ZC3HC1: variants seen among roughly 807,000 people sequenced by gnomAD.
The protein encoded by ZC3HC1 is zinc finger C3HC-type containing 1, also known as zinc finger C3HC-type protein 1.
In ZC3HC1, 38 loss-of-function variants were observed where a neutral mutation model predicts 61.9. The ratio of observed to expected loss-of-function variants is 0.61; its 90% CI spans 0.47 to 0.81. The LOEUF is 0.81. ZC3HC1 is among the 30% of genes least tolerant of loss of function. The pLI, the probability that ZC3HC1 is intolerant of heterozygous loss-of-function variation, is 0.00. For missense variants in ZC3HC1, 554 were observed against 622.7 expected (o/e 0.89, Z 1.17); for synonymous variants, 213 against 229.9 (o/e 0.93, Z 0.67).
intron 5 of ZC3HC1, among the ~76,000 whole-genome samples, chr7:130,028,160 T>C (rs1474718814): frequency 3.7e-5 from 2 of 54,360 alleles, no homozygotes; most frequent in Non-Finnish European, 6.1e-5. Context: ...CAAGACTCTG[T>C]CTCAAAAAAA....
chr7:130,049,174 A>C, intron 1 of ZC3HC1, 30 bp from the exon 2 acceptor site: 1 of 1,533,956 alleles, frequency 6.5e-7, no homozygotes, highest in Non-Finnish European at 8.9e-7. Flanking sequence ...CTGTTGGTAA[A>C]CCTTTCACAG....
At chr7:130,038,786 G>A (rs538806161) in intron 4 of ZC3HC1, among the ~76,000 whole-genome samples, 1 of 151,036 alleles carries the variant, frequency 6.6e-6, no homozygotes, top group African/African-American at 2.4e-5. Context: ...CTTGAACCTC[G>A]GAGGTGGAGG....
chr7:130,042,262 C>T (rs1433043391), intron 2 of ZC3HC1, among the ~76,000 whole-genome samples: 2 of 149,126 alleles, frequency 1.3e-5, no homozygotes, highest in Non-Finnish European at 3.0e-5. Flanking sequence ...ACGATCACAC[C>T]ACTGCCCTCT....
At chr7:130,051,151 A>C (rs958078105) in intron 1 of ZC3HC1, 70 bp downstream of exon 1, 1 of 1,528,660 alleles carries the variant, frequency 6.5e-7, no homozygotes, top group South Asian at 1.3e-5. Context: ...ACCTCCCCCA[A>C]CCCGCCACCC....
rs771598293 is a variant in ZC3HC1, at chr7:130,023,497, C to G, written c.1233+14G>C. On this transcript the variant is annotated intron_variant, in intron 8 of 9. Coordinates refer to ENST00000358303, the MANE Select transcript of ZC3HC1 (RefSeq NM_016478.5). This position sits in a 1 kb window ranked among gnomAD's most constrained non-coding sequence, Gnocchi z 4.2. ...GTTTATGCTCAGCCACTGCTACATG[C>G]GAGGTGGACTCACCGAACTGCTGGA... 6.2e-7 allele frequency: 1 copy of G among 1,613,132 alleles called. No homozygotes were observed. Among genetic ancestry groups the G allele is most frequent in the Admixed American group, 1.7e-5 (1 of 59,978 alleles).
intron 4 of ZC3HC1, among the ~76,000 whole-genome samples, chr7:130,032,757 G>GAAGGAGGGAAGGGAAGGA (rs1794265441): frequency 3.4e-5 from 2 of 59,308 alleles, no homozygotes; most frequent in African/African-American, 7.1e-5. Flanking sequence ...GAGGGGAAGG[G>GAAGGAGGGAAGGGAAGGA]GGGAAGGGAA....
At chr7:130,030,129 T>A (rs1450004666) in intron 4 of ZC3HC1, among the ~76,000 whole-genome samples, 1 of 151,570 alleles carries the variant, frequency 6.6e-6, no homozygotes. Context: ...AAGGCCTTGC[T>A]AAGCTACTTC....
At chr7:130,019,081 T>C (rs749863504) in intron 9 of ZC3HC1, among the ~76,000 whole-genome samples, 1 of 142,504 alleles carries the variant, frequency 7.0e-6, no homozygotes, top group Non-Finnish European at 1.5e-5. Flanking sequence ...TGAGACGGAG[T>C]CTCACTCTGT....
intron 4 of ZC3HC1, among the ~76,000 whole-genome samples, chr7:130,029,393 AAAAT>A (rs1794077897): frequency 6.6e-6 from 1 of 152,124 alleles, no homozygotes; most frequent in Non-Finnish European, 1.5e-5. Context: ...ATAATAAAAT[AAAAT>A]AAATAAAAAA....
At chr7:130,041,237 GA>G (rs1794658754) in intron 2 of ZC3HC1, 136 bp from the exon 3 acceptor site, 4 of 967,052 alleles carry the variant, frequency 4.1e-6, no homozygotes, top group Non-Finnish European at 5.8e-6. Flanking sequence ...TCCCAGGCTG[GA>G]GTGCAGTGGC....
At position 130,049,149 on chromosome 7, in the gene ZC3HC1, T is replaced by C. The variant is rs1025069615; in HGVS notation, c.147-5A>G. On this transcript the variant is annotated splice_polypyrimidine_tract_variant and splice_region_variant and intron_variant, in intron 1 of 9. Transcript: ENST00000358303. ...GATGTGGCAGACGTGTCCTTCCTAATATAAAGTGGCAAAACTGTTGGTAAA... is the reference window on the plus strand; with the variant it reads ...GATGTGGCAGACGTGTCCTTCCTAACATAAAGTGGCAAAACTGTTGGTAAA... The C allele has an allele frequency of 2.5e-6, 4 of 1,587,084 alleles. No homozygotes were observed. The highest frequency in any genetic ancestry group is 1.4e-5 in the African/African-American group (1 of 73,984).
intron 4 of ZC3HC1, among the ~76,000 whole-genome samples, chr7:130,037,362 T>A (rs1266538260): frequency 6.6e-6 from 1 of 152,168 alleles, no homozygotes; most frequent in Non-Finnish European, 1.5e-5. Context: ...GAGAATTGCT[T>A]GAACCCAGGA....
At chr7:130,050,915 G>A (rs1213269344) in intron 1 of ZC3HC1, among the ~76,000 whole-genome samples, 2 of 151,982 alleles carry the variant, frequency 1.3e-5, no homozygotes, top group African/African-American at 4.8e-5. Context: ...AGGGGTCCAC[G>A]GCACAAAAAA....
intron 4 of ZC3HC1, among the ~76,000 whole-genome samples, chr7:130,034,270 G>A (rs1794338073): frequency 6.6e-6 from 1 of 150,684 alleles, no homozygotes; most frequent in Non-Finnish European, 1.5e-5. Context: ...CGTATCACGA[G>A]GTCAGGAGAT....
rs1025816287 is a variant in ZC3HC1, at chr7:130,049,116, C to T, written c.175G>A (p.Val59Ile). Residue 59 changes from valine (V) to isoleucine (I), a missense_variant, in exon 2 of 10, where the codon GTT becomes ATT. Val to Ile is a conservative substitution (Grantham distance 29). Coordinates refer to ENST00000358303, the MANE Select transcript of ZC3HC1 (RefSeq NM_016478.5). ...AKDTSATSQS[V>I]NGSPQAEQPS... ...TGTTCCGCTTGGGGTGATCCATTAACTGACTGGGATGTGGCAGACGTGTCC... is the reference window on the plus strand; with the variant it reads ...TGTTCCGCTTGGGGTGATCCATTAATTGACTGGGATGTGGCAGACGTGTCC... The T allele has an allele frequency of 1.2e-6, 2 of 1,603,688 alleles. No homozygotes were observed.
chr7:130,049,841 C>T (rs553387897), intron 1 of ZC3HC1, among the ~76,000 whole-genome samples: 36 of 151,880 alleles, frequency 2.4e-4, no homozygotes, highest in Non-Finnish European at 4.3e-4. Flanking sequence ...TGAGCCACAG[C>T]GCCTGGCAGA....
At chr7:130,050,489 C>A in intron 1 of ZC3HC1, 2 of 1,488,678 alleles carry the variant, frequency 1.3e-6, no homozygotes, top group South Asian at 1.3e-5. Flanking sequence ...GGGTGTGGTT[C>A]TAGGCCAAAA....
intron 4 of ZC3HC1, among the ~76,000 whole-genome samples, chr7:130,037,828 A>G (rs191132637): frequency 6.6e-6 from 1 of 152,360 alleles, no homozygotes; most frequent in Admixed American, 6.5e-5. Context: ...TGAAATATAC[A>G]GATGAATAGT....
Position 130,049,069 on chromosome 7 carries a change from G to A in ZC3HC1, c.222C>T (p.Ser74=). The A allele has an allele frequency of 6.2e-7, 1 of 1,608,706 alleles. No individual in the cohort carries two copies. The highest frequency in any genetic ancestry group is 8.5e-7 in the Non-Finnish European group (1 of 1,177,786). ...CCACTCTGCTAAAGAAGGCTTCTTT[G>A]CTTGTAGATTCCAATGAAGGTTGTT... ...QAEQPSLEST[S]KEAFFSRVET... Residue 74 remains serine (S), a synonymous_variant, in exon 2 of 10, where the codon AGC becomes AGT. Transcript: ENST00000358303.
Sources: allele counts gnomAD v4.1 joint callset (sites outside exome capture counted in the v4.1 genomes callset), GRCh38; gene constraint gnomAD v4.1.1; non-coding constraint Gnocchi (gnomAD v3.1); transcripts MANE v1.5; gene names NCBI Gene and HGNC (gene_info 2026-07-23, HGNC 2026-07-21).